Variants in SLC24A2 observed in about 807,000 individuals in gnomAD.
SLC24A2 encodes the protein sodium/potassium/calcium exchanger 2.
In SLC24A2, 36 loss-of-function variants were observed where a neutral mutation model predicts 62.0. The observed-to-expected ratio is 0.58, with a 90% CI of 0.44 to 0.77. The LOEUF (loss-of-function observed/expected upper bound fraction) is 0.77. Among genes scored for constraint, SLC24A2 ranks in the 30% least tolerant of loss-of-function variants. SLC24A2 has a pLI of 0.00. For missense variants in SLC24A2, 846 were observed against 817.9 expected, an observed-to-expected ratio of 1.03 and a Z score of -0.42; for synonymous variants, 358 against 294.0, an observed-to-expected ratio of 1.22 and a Z score of -2.23.
chr9:19,752,452 A>G (rs1822012295), intron 2 of SLC24A2, among the ~76,000 whole-genome samples: 1 of 151,036 alleles, frequency 6.6e-6, no homozygotes, highest in South Asian at 2.1e-4. Flanking sequence ...TTCAAGGGTT[A>G]AGTCTGTCAA....
chr9:20,077,889 T>C, the SLC24A2 span, among the ~76,000 whole-genome samples: 1 of 152,220 alleles, frequency 6.6e-6, no homozygotes, highest in East Asian at 1.9e-4. Context: ...CTGTAAAACA[T>C]CCCTTCCCAA....
the SLC24A2 span, among the ~76,000 whole-genome samples, chr9:19,936,200 T>C: frequency 2.0e-5 from 3 of 152,210 alleles, no homozygotes; most frequent in East Asian, 3.9e-4. Flanking sequence ...CCTTAACTAT[T>C]TACTTTCGTA....
the SLC24A2 span, among the ~76,000 whole-genome samples, chr9:19,998,849 C>T: frequency 4.6e-5 from 7 of 152,178 alleles, no homozygotes; most frequent in Non-Finnish European, 1.0e-4. Flanking sequence ...TACATAGCAG[C>T]TTTCCTCCTT....
the SLC24A2 span, among the ~76,000 whole-genome samples, chr9:19,872,397 G>A: frequency 1.3e-5 from 2 of 152,286 alleles, no homozygotes; most frequent in South Asian, 2.1e-4. Flanking sequence ...CACTGGGCAG[G>A]TGCCAGCACA....
the SLC24A2 span, among the ~76,000 whole-genome samples, chr9:20,128,298 A>G: frequency 6.6e-6 from 1 of 152,138 alleles, no homozygotes; most frequent in African/African-American, 2.4e-5. Context: ...TCATCTTCAA[A>G]TGTTGCCAGA....
chr9:19,858,093 C>T, the SLC24A2 span, among the ~76,000 whole-genome samples: 1 of 152,118 alleles, frequency 6.6e-6, no homozygotes, highest in Admixed American at 6.6e-5. Context: ...CATGTTACCT[C>T]ACTTCCAACT....
At chr9:20,159,404 T>A in the SLC24A2 span, among the ~76,000 whole-genome samples, 10 of 151,796 alleles carry the variant, frequency 6.6e-5, no homozygotes, top group African/African-American at 2.2e-4. Context: ...TCTAAGATTT[T>A]TTTACCCTTG....
At chr9:19,820,058 C>CACATATATATATACATAT in the SLC24A2 span, among the ~76,000 whole-genome samples, 1 of 34,644 alleles carries the variant, frequency 2.9e-5, no homozygotes, top group African/African-American at 6.8e-5. Context: ...TATATATACA[C>CACATATATATATACATAT]ATATATATAT....
chr9:20,078,209 G>C, the SLC24A2 span, among the ~76,000 whole-genome samples: 1 of 152,140 alleles, frequency 6.6e-6, no homozygotes, highest in Admixed American at 6.6e-5. Flanking sequence ...GCACTCCATA[G>C]TTGCTGTAGG....
chr9:19,832,068 G>C, the SLC24A2 span, among the ~76,000 whole-genome samples: 8 of 152,172 alleles, frequency 5.3e-5, no homozygotes, highest in African/African-American at 1.7e-4. Flanking sequence ...ATCTTTGCCT[G>C]TCTGTACTCT....
At chr9:19,820,646 G>C in the SLC24A2 span, among the ~76,000 whole-genome samples, 1 of 151,818 alleles carries the variant, frequency 6.6e-6, no homozygotes, top group African/African-American at 2.4e-5. Context: ...TCTGACACAA[G>C]GTAATGGATT....
chr9:19,872,801 T>G, the SLC24A2 span, among the ~76,000 whole-genome samples: 1 of 152,202 alleles, frequency 6.6e-6, no homozygotes, highest in Non-Finnish European at 1.5e-5. Flanking sequence ...TCCTGGGTCT[T>G]CTTGTAAAAA....
chr9:20,264,670 T>C, the SLC24A2 span, among the ~76,000 whole-genome samples: 1 of 152,220 alleles, frequency 6.6e-6, no homozygotes, highest in Non-Finnish European at 1.5e-5. Context: ...TATAGTGTCC[T>C]TGTGATATTT....
In SLC24A2 at chr9:19,537,175, T is replaced by C. The variant is rs959082936; in HGVS notation, c.1480-9037A>G. On this transcript the variant is annotated intron_variant, in intron 8 of 10. Coordinates refer to ENST00000341998, the MANE Select transcript of SLC24A2 (RefSeq NM_020344.4). ...GTTGCCTGTTCACTCTGATGGTAGTTTCTTTTGCTGTGCAGAAGCTCTTTA... is the reference window on the plus strand; with the variant it reads ...GTTGCCTGTTCACTCTGATGGTAGTCTCTTTTGCTGTGCAGAAGCTCTTTA... Among the ~76,000 whole-genome samples, 291 of 148,688 alleles carry C rather than the reference T, an allele frequency of 2.0e-3. 3 individuals are homozygous for C. Among genetic ancestry groups the C allele is most frequent in the African/African-American group, 6.8e-3 (274 of 40,578 alleles).
intron 2 of SLC24A2, among the ~76,000 whole-genome samples, chr9:19,673,809 C>A (rs1008535508): frequency 1.2e-4 from 18 of 152,228 alleles, no homozygotes; most frequent in African/African-American, 4.3e-4. Context: ...TTGGGGAATT[C>A]TTATCCATTC....
chr9:20,231,332 C>T, the SLC24A2 span, among the ~76,000 whole-genome samples: 2 of 152,124 alleles, frequency 1.3e-5, no homozygotes, highest in Non-Finnish European at 1.5e-5. Context: ...GGCAGTATGG[C>T]CATTTTCATG....
chr9:19,954,460 T>C, the SLC24A2 span, among the ~76,000 whole-genome samples: 10 of 152,030 alleles, frequency 6.6e-5, no homozygotes, highest in Non-Finnish European at 1.2e-4. Context: ...ATTGGGAAAA[T>C]AGACATAAAC....
intron 10 of SLC24A2, among the ~76,000 whole-genome samples, chr9:19,520,039 TACAC>T (rs373768658): frequency 1.3e-4 from 20 of 152,268 alleles, no homozygotes; most frequent in African/African-American, 3.9e-4. Flanking sequence ...GAGAAAAACA[TACAC>T]ACAGTGCACA....
chr9:19,702,116 G>C (rs1195222429), intron 2 of SLC24A2, among the ~76,000 whole-genome samples: 1 of 152,132 alleles, frequency 6.6e-6, no homozygotes. Flanking sequence ...TTTTTTGAGA[G>C]ATTTCAGAGT....
Sources: gnomAD v4.1 joint callset for allele counts (sites outside exome capture counted in the v4.1 genomes callset) on GRCh38, gnomAD v4.1.1 for gene constraint, MANE v1.5 for transcripts, NCBI Gene and HGNC (gene_info 2026-07-23, HGNC 2026-07-21) for gene names.